GDPD4: variants seen among roughly 807,000 people sequenced by gnomAD.
The protein encoded by GDPD4 is glycerophosphodiester phosphodiesterase 6.
In GDPD4, 60 loss-of-function variants were observed where a neutral mutation model predicts 67.8. That is an observed-to-expected ratio of 0.88 (90% CI 0.72 to 1.10). The LOEUF (loss-of-function observed/expected upper bound fraction) is 1.10. GDPD4 is among the 50% of genes least tolerant of loss of function. The probability of loss-of-function intolerance (pLI) is 0.00; values close to 1 mark genes in which losing one functional copy is unlikely to be tolerated. For missense variants in GDPD4, 623 were observed against 613.9 expected, an observed-to-expected ratio of 1.01 and a Z score of -0.16; for synonymous variants, 212 against 210.9, an observed-to-expected ratio of 1.00 and a Z score of -0.04.
chr11:77,259,567 CA>C (rs58042628), intron 10 of GDPD4, among the ~76,000 whole-genome samples: 21,428 of 143,804 alleles, frequency 0.15, 3,219 homozygotes, highest in African/African-American at 0.38. Context: ...CTGAGAAAAG[CA>C]AAAAAAAAAA....
At chr11:77,240,475 C>T (rs1181633486) in intron 13 of GDPD4, among the ~76,000 whole-genome samples, 1 of 152,094 alleles carries the variant, frequency 6.6e-6, no homozygotes, top group Non-Finnish European at 1.5e-5. Context: ...ATACCACATA[C>T]AAAAATCAAA....
At chr11:77,285,031 G>T in intron 3 of GDPD4, 54 bp downstream of exon 3, 1 of 1,244,054 alleles carries the variant, frequency 8.0e-7, no homozygotes, top group Non-Finnish European at 1.2e-6. Context: ...AATCCAGGTG[G>T]CTATCAGACC....
At chr11:77,251,278 T>TC (rs368413861) in intron 11 of GDPD4, among the ~76,000 whole-genome samples, 1 of 152,164 alleles carries the variant, frequency 6.6e-6, no homozygotes, top group South Asian at 2.1e-4. Context: ...GATTTTTTTT[T>TC]CTCTCTCTCC....
At chr11:77,288,657 AT>A (rs1177753216) in intron 1 of GDPD4, among the ~76,000 whole-genome samples, 1 of 152,224 alleles carries the variant, frequency 6.6e-6, no homozygotes, top group African/African-American at 2.4e-5. Flanking sequence ...AGAAAAAAAA[AT>A]CTTCCCCTAT....
chr11:77,267,149 T>C (rs1308429079), intron 10 of GDPD4, among the ~76,000 whole-genome samples: 1 of 152,244 alleles, frequency 6.6e-6, no homozygotes, highest in South Asian at 2.1e-4. Context: ...CAGAAATACC[T>C]ACCATTGTTC....
intron 1 of GDPD4, among the ~76,000 whole-genome samples, chr11:77,297,537 G>GA (rs576071684): frequency 0.031 from 2,423 of 77,936 alleles, 29 homozygotes; most frequent in Middle Eastern, 0.087. Flanking sequence ...CTCCGTCTCA[G>GA]AAAAAAAAAA....
At chr11:77,300,886 C>T (rs1486881584) in intron 1 of GDPD4, among the ~76,000 whole-genome samples, 1 of 152,152 alleles carries the variant, frequency 6.6e-6, no homozygotes, top group Non-Finnish European at 1.5e-5. Context: ...ATATATAGAA[C>T]TTGGTGTGAC....
chr11:77,258,651 C>T, intron 10 of GDPD4, 109 bp from the exon 11 acceptor site: 3 of 888,280 alleles, frequency 3.4e-6, no homozygotes, highest in Non-Finnish European at 5.4e-6. Context: ...CACTAGGGCT[C>T]CTTACTCCCT....
At chr11:77,252,065 G>GTTTTTTTTTTTTTTTTTTTTTTTTTTTTT (rs71043561) in intron 11 of GDPD4, among the ~76,000 whole-genome samples, 1 of 127,432 alleles carries the variant, frequency 7.8e-6, no homozygotes, top group African/African-American at 3.0e-5. Flanking sequence ...TTTTTTTTTT[G>GTTTTTTTTTTTTTTTTTTTTTTTTTTTTT]TTTTTTTTTT....
intron 1 of GDPD4, among the ~76,000 whole-genome samples, chr11:77,294,911 C>T (rs1431135659): frequency 6.8e-6 from 1 of 147,348 alleles, no homozygotes; most frequent in Non-Finnish European, 1.5e-5. Flanking sequence ...ACAAATGGTT[C>T]TGGAACAACT....
chr11:77,232,572 A>G (rs1958473962), intron 14 of GDPD4, among the ~76,000 whole-genome samples: 1 of 152,174 alleles, frequency 6.6e-6, no homozygotes, highest in Non-Finnish European at 1.5e-5. Flanking sequence ...CACAGTTTCC[A>G]CTTTGGAGTC....
chr11:77,245,327 C>T lies in GDPD4; in HGVS notation c.1040G>A (p.Arg347His), dbSNP rs151233592. Residue 347 changes from arginine (R) to histidine (H), a missense_variant, in exon 12 of 17, where the codon CGC (arginine) becomes CAC (histidine). Physicochemically the swap from Arg to His is conservative, Grantham distance 29 (BLOSUM62 0). Coordinates refer to ENST00000315938, the MANE Select transcript of GDPD4 (RefSeq NM_182833.3). Reference sequence around the variant, plus strand: ...GGCAAGGATCACGCTTACTACTTGGCGGACAAATGTGTGTCTGAGAGGATG... The same window carrying T: ...GGCAAGGATCACGCTTACTACTTGGTGGACAAATGTGTGTCTGAGAGGATG... ...PKHPLRHTFVRQVVSVILASK... is the reference protein window; with the variant it reads ...PKHPLRHTFVHQVVSVILASK... 3.1e-5 allele frequency: 50 copies of T among 1,613,954 alleles called. No homozygotes were observed. Among genetic ancestry groups the T allele is most frequent in the South Asian group, 1.1e-4 (10 of 91,074 alleles).
intron 13 of GDPD4, among the ~76,000 whole-genome samples, chr11:77,233,373 T>C (rs1184735633): frequency 2.0e-5 from 3 of 147,020 alleles, no homozygotes; most frequent in East Asian, 2.0e-4. Flanking sequence ...CCTCTGCTCC[T>C]GTAGCAACAG....
intron 11 of GDPD4, among the ~76,000 whole-genome samples, chr11:77,247,536 A>C (rs1958802803): frequency 1.3e-5 from 2 of 152,190 alleles, no homozygotes; most frequent in African/African-American, 2.4e-5. Flanking sequence ...GGAATGGATA[A>C]ATGCCTGTTT....
At chr11:77,291,866 A>T (rs1021497880) in intron 1 of GDPD4, among the ~76,000 whole-genome samples, 1 of 152,154 alleles carries the variant, frequency 6.6e-6, no homozygotes, top group African/African-American at 2.4e-5. Flanking sequence ...CCCCGTCTCT[A>T]CTAAAAATAC....
chr11:77,294,773 G>C (rs1013384079), intron 1 of GDPD4, among the ~76,000 whole-genome samples: 1 of 151,996 alleles, frequency 6.6e-6, no homozygotes, highest in African/African-American at 2.4e-5. Flanking sequence ...AAGATAGCGT[G>C]GAATCAGCAA....
At position 77,222,285 on chromosome 11, in the gene GDPD4, G is replaced by A. The variant is rs186420881; in HGVS notation, c.1526-4971C>T. On this transcript the variant is annotated intron_variant, in intron 16 of 16. Coordinates refer to ENST00000315938, the MANE Select transcript of GDPD4 (RefSeq NM_182833.3). The stretch of plus-strand genomic sequence containing the variant: ...CATTATGATGTTAGCTGGTTATTTT[G>A]CTTGTTAGTTGATGCAGTTTCTTCC... Among the ~76,000 whole-genome samples, 31 of 152,296 alleles carry A rather than the reference G, an allele frequency of 2.0e-4. No individual in the cohort carries two copies. The East Asian group carries it at 4.8e-3, about 24-fold the overall frequency.
At chr11:77,280,665 T>A (rs1437924690) in intron 3 of GDPD4, among the ~76,000 whole-genome samples, 1 of 152,220 alleles carries the variant, frequency 6.6e-6, no homozygotes, top group East Asian at 1.9e-4. Flanking sequence ...TAAATATTAC[T>A]ATTAGTTTGC....
At position 77,253,239 on chromosome 11, in the gene GDPD4, C is replaced by G. The variant is rs149039787; in HGVS notation, c.864+5147G>C. 6.3e-4 allele frequency among the ~76,000 whole-genome samples: 96 copies of G among 152,278 alleles called. 1 individual carries two copies. The East Asian group carries it at 0.015, about 24-fold the overall frequency. Reference sequence around the variant, plus strand: ...AGAAGGTATGTTCTGGAGGTTTGAGCCTAGGGCACAGGGTATGGCTATAAT... The same window carrying G: ...AGAAGGTATGTTCTGGAGGTTTGAGGCTAGGGCACAGGGTATGGCTATAAT... On this transcript the variant is annotated intron_variant, in intron 11 of 16. Coordinates refer to ENST00000315938, the MANE Select transcript of GDPD4 (RefSeq NM_182833.3).
Sources: allele counts gnomAD v4.1 joint callset (sites outside exome capture counted in the v4.1 genomes callset), GRCh38; gene constraint gnomAD v4.1.1; transcripts MANE v1.5; gene names NCBI Gene and HGNC (gene_info 2026-07-23, HGNC 2026-07-21).